Variants in SEPTIN7 observed in about 807,000 individuals in gnomAD.
SEPTIN7 encodes the protein septin-7.
SEPTIN7 carries 10 observed loss-of-function variants against 63.3 expected under a neutral mutation model. The observed-to-expected ratio is 0.16, with a 90% CI of 0.10 to 0.27. SEPTIN7 has a LOEUF of 0.27. Among genes scored for constraint, SEPTIN7 ranks in the 10% least tolerant of loss-of-function variants. SEPTIN7 has a pLI of 1.00. For missense variants in SEPTIN7, 310 were observed against 521.0 expected, an observed-to-expected ratio of 0.59 and a Z score of 3.94; for synonymous variants, 131 against 165.3, an observed-to-expected ratio of 0.79 and a Z score of 1.59.
At chr7:35,801,488 G>T (rs562250347) in intron 1 of SEPTIN7, among the ~76,000 whole-genome samples, 1 of 151,740 alleles carries the variant, frequency 6.6e-6, no homozygotes, top group Non-Finnish European at 1.5e-5. Flanking sequence ...AACGTGAGGA[G>T]AGCCGAGGCG....
chr7:35,911,068 G>A (rs541197239), downstream of SEPTIN7, among the ~76,000 whole-genome samples: 2 of 152,256 alleles, frequency 1.3e-5, no homozygotes, highest in Admixed American at 1.3e-4. Flanking sequence ...TGATGCTGAG[G>A]AGGACCCCAA....
rs1310062780 is a variant in SEPTIN7, at chr7:35,818,290, A to G, written c.62-13202A>G. Among the ~76,000 whole-genome samples the G allele has an allele frequency of 2.0e-5, 3 of 152,110 alleles. No individual in the cohort carries two copies. In the East Asian group the frequency reaches 5.8e-4, roughly 29 times the overall value. On this transcript the variant is annotated intron_variant, in intron 1 of 13. Transcript: ENST00000350320. The stretch of plus-strand genomic sequence containing the variant: ...GTGTATTACATTGATTAATTTTCAT[A>G]TGTAAAACCAACATATTCATTCTGG...
intron 3 of SEPTIN7, among the ~76,000 whole-genome samples, chr7:35,855,961 T>G (rs1256789073): frequency 6.6e-6 from 1 of 152,202 alleles, no homozygotes; most frequent in Non-Finnish European, 1.5e-5. Context: ...TGTTTCCAAG[T>G]TTTTGCCTTA....
downstream of SEPTIN7, among the ~76,000 whole-genome samples, chr7:35,909,476 G>A (rs117729089): frequency 2.5e-3 from 388 of 152,234 alleles, no homozygotes; most frequent in South Asian, 5.2e-3. Flanking sequence ...AAGGAGATAG[G>A]TTTTTTTCTC....
At chr7:35,865,627 A>G (rs921880337) in intron 4 of SEPTIN7, among the ~76,000 whole-genome samples, 37 of 152,140 alleles carry the variant, frequency 2.4e-4, no homozygotes, top group African/African-American at 8.2e-4. Context: ...GTGTGTGCAT[A>G]AAGATATAAA....
intron 1 of SEPTIN7, among the ~76,000 whole-genome samples, chr7:35,808,133 TG>T (rs1788471481): frequency 6.6e-6 from 1 of 152,122 alleles, no homozygotes; most frequent in South Asian, 2.1e-4. Flanking sequence ...TTTTTGTTGT[TG>T]TTTTTTTTAA....
In SEPTIN7 at chr7:35,884,066, G is replaced by A. The variant is rs114919953; in HGVS notation, c.820+79G>A. The A allele has an allele frequency of 4.5e-3, 3,617 of 807,068 alleles. 80 individuals carry two copies. The African/African-American group carries it at 0.05, about 11-fold the overall frequency. 50.0% of individuals were successfully genotyped at this position (807,068 alleles called of 1,614,324 possible). A position where few individuals can be genotyped will look rare whatever the true frequency, so the allele number is the denominator to read the frequency against. Reference sequence around the variant, plus strand: ...ATTTGTATTTATAGTAAGTAGTACAGTATGCACACTGTATTGATATAGTCT... The same window carrying A: ...ATTTGTATTTATAGTAAGTAGTACAATATGCACACTGTATTGATATAGTCT... On this transcript the variant is annotated intron_variant, in intron 9 of 13. Coordinates refer to ENST00000350320, the MANE Select transcript of SEPTIN7 (RefSeq NM_001788.6).
intron 3 of SEPTIN7, among the ~76,000 whole-genome samples, chr7:35,841,058 C>A (rs1784383333): frequency 6.6e-6 from 1 of 152,056 alleles, no homozygotes; most frequent in Non-Finnish European, 1.5e-5. Context: ...ATCAGTCTTA[C>A]AGATTGCAGT....
At chr7:35,896,251 G>A (rs1457216277) in intron 11 of SEPTIN7, among the ~76,000 whole-genome samples, 2 of 152,164 alleles carry the variant, frequency 1.3e-5, no homozygotes, top group East Asian at 3.8e-4. Flanking sequence ...AGTTGTATAA[G>A]TAGGAATAGA....
At chr7:35,812,815 A>G (rs1048275580) in intron 1 of SEPTIN7, among the ~76,000 whole-genome samples, 4 of 152,340 alleles carry the variant, frequency 2.6e-5, no homozygotes, top group South Asian at 2.1e-4. Context: ...CTTACCTATT[A>G]TAGTAACATA....
At chr7:35,908,024 GTC>G (rs750928918), downstream of SEPTIN7, among the ~76,000 whole-genome samples, 1 of 152,180 alleles carries the variant, frequency 6.6e-6, no homozygotes, top group Admixed American at 6.5e-5. Flanking sequence ...GCCATGGTAA[GTC>G]TCTGGATCTG....
At chr7:35,892,427 A>G (rs1193041075) in intron 11 of SEPTIN7, among the ~76,000 whole-genome samples, 1 of 152,166 alleles carries the variant, frequency 6.6e-6, no homozygotes, top group Non-Finnish European at 1.5e-5. Context: ...ATCCTAATTC[A>G]CTTTAAACTT....
At chr7:35,824,056 G>T in intron 1 of SEPTIN7, among the ~76,000 whole-genome samples, 1 of 147,048 alleles carries the variant, frequency 6.8e-6, no homozygotes, top group African/African-American at 2.5e-5. Context: ...GTATTTTCTG[G>T]CTGCTATCCT....
At chr7:35,880,967 A>T (rs561153979) in intron 7 of SEPTIN7, among the ~76,000 whole-genome samples, 17 of 152,208 alleles carry the variant, frequency 1.1e-4, no homozygotes, top group African/African-American at 4.1e-4. Flanking sequence ...GGCCAGTAGT[A>T]TATTGTTTAA....
chr7:35,845,831 A>G (rs1302117777), intron 3 of SEPTIN7, among the ~76,000 whole-genome samples: 2 of 152,134 alleles, frequency 1.3e-5, no homozygotes, highest in Non-Finnish European at 2.9e-5. Flanking sequence ...TTTAAAGTTA[A>G]TAAACTTTAA....
At chr7:35,914,940 A>G in the SEPTIN7 span, among the ~76,000 whole-genome samples, 92 of 152,162 alleles carry the variant, frequency 6.0e-4, no homozygotes, top group African/African-American at 2.1e-3. Context: ...ATGTATATGC[A>G]CACGTATCCA....
At chr7:35,897,465 C>T (rs1788021578) in intron 11 of SEPTIN7, among the ~76,000 whole-genome samples, 2 of 152,010 alleles carry the variant, frequency 1.3e-5, no homozygotes, top group South Asian at 4.2e-4. Context: ...CACAATTCTA[C>T]AAAGAGATTT....
chr7:35,805,526 G>C (rs1475153224), intron 1 of SEPTIN7, among the ~76,000 whole-genome samples: 1 of 152,172 alleles, frequency 6.6e-6, no homozygotes, highest in Non-Finnish European at 1.5e-5. Flanking sequence ...TTGGTCCACA[G>C]ACCACACTTT....
intron 3 of SEPTIN7, among the ~76,000 whole-genome samples, chr7:35,851,085 G>A (rs1201313384): frequency 6.6e-6 from 1 of 152,082 alleles, no homozygotes; most frequent in Non-Finnish European, 1.5e-5. Context: ...TAAACAAATA[G>A]GTGATGAATG....
Sources: allele counts gnomAD v4.1 joint callset (sites outside exome capture counted in the v4.1 genomes callset), GRCh38; gene constraint gnomAD v4.1.1; transcripts MANE v1.5; gene names NCBI Gene and HGNC (gene_info 2026-07-23, HGNC 2026-07-21).